Variants in CDKAL1 observed in about 807,000 individuals in gnomAD.
CDKAL1 encodes CDKAL1 threonylcarbamoyladenosine tRNA methylthiotransferase.
Under a neutral mutation model 68.2 loss-of-function variants are expected in CDKAL1, and 32 were observed. The ratio of observed to expected loss-of-function variants is 0.47; its 90% CI spans 0.35 to 0.63. The LOEUF is 0.63. Among genes scored for constraint, CDKAL1 ranks in the 30% least tolerant of loss-of-function variants. The pLI, the probability that CDKAL1 is intolerant of heterozygous loss-of-function variation, is 0.00. For synonymous variants in CDKAL1, 234 were observed against 244.3 expected, an observed-to-expected ratio of 0.96 and a Z score of 0.39; for missense variants, 606 against 696.7, an observed-to-expected ratio of 0.87 and a Z score of 1.47.
At chr6:20,750,502 G>A (rs962425466) in intron 6 of CDKAL1, among the ~76,000 whole-genome samples, 5 of 152,296 alleles carry the variant, frequency 3.3e-5, no homozygotes, top group African/African-American at 1.2e-4. Context: ...TTCACGTTCA[G>A]TTGAAGGGCA....
intron 13 of CDKAL1, among the ~76,000 whole-genome samples, chr6:21,127,746 T>G (rs1775090177): frequency 1.3e-5 from 2 of 152,028 alleles, no homozygotes; most frequent in Non-Finnish European, 2.9e-5. Context: ...TGAGACTCTA[T>G]CTCAGGAATA....
At chr6:20,611,914 C>T (rs1405406463) in intron 4 of CDKAL1, among the ~76,000 whole-genome samples, 1 of 152,174 alleles carries the variant, frequency 6.6e-6, no homozygotes, top group African/African-American at 2.4e-5. Context: ...CTTGGCACAT[C>T]CCCTTCCCAC....
chr6:20,776,539 A>C (rs1171990129), intron 7 of CDKAL1, among the ~76,000 whole-genome samples: 1 of 152,224 alleles, frequency 6.6e-6, no homozygotes, highest in East Asian at 1.9e-4. Flanking sequence ...TTCTGAAATG[A>C]CAGGCGATGA....
At chr6:21,148,595 T>G (rs1164810814) in intron 13 of CDKAL1, among the ~76,000 whole-genome samples, 1 of 152,188 alleles carries the variant, frequency 6.6e-6, no homozygotes, top group Non-Finnish European at 1.5e-5. Context: ...TATCCTATTT[T>G]TTTAATTACA....
At chr6:20,753,960 T>C (rs1774051667) in intron 6 of CDKAL1, among the ~76,000 whole-genome samples, 1 of 37,878 alleles carries the variant, frequency 2.6e-5, no homozygotes, top group Non-Finnish European at 6.9e-5. Context: ...TATCTGTATG[T>C]GTGTGTGTGT....
intron 4 of CDKAL1, among the ~76,000 whole-genome samples, chr6:20,569,304 T>G (rs1764604588): frequency 6.6e-6 from 1 of 152,230 alleles, no homozygotes; most frequent in South Asian, 2.1e-4. Context: ...AAGTATAAAT[T>G]TCATGCTTAC....
intron 4 of CDKAL1, among the ~76,000 whole-genome samples, chr6:20,561,446 GAAAAAAAA>G (rs55750789): frequency 2.0e-4 from 16 of 79,652 alleles, no homozygotes; most frequent in African/African-American, 6.4e-4. Context: ...TCTCAAAAAA[GAAAAAAAA>G]AAAAAAAAAA....
In CDKAL1 at chr6:21,031,532, G is replaced by A. The variant is rs148361244; in HGVS notation, c.1055+31160G>A. On this transcript the variant is annotated intron_variant, in intron 11 of 15. Coordinates refer to ENST00000274695, the MANE Select transcript of CDKAL1 (RefSeq NM_017774.3). The stretch of plus-strand genomic sequence containing the variant: ...TCTGCCTACCAGGGGCTGGGAGTTC[G>A]GGGACCATCTTAGAATTCTGCCTAC... Among the ~76,000 whole-genome samples the A allele has an allele frequency of 1.3e-3, 200 of 151,926 alleles. 1 individual carries two copies. The highest frequency in any genetic ancestry group is 3.6e-3 in the African/African-American group (148 of 41,452).
rs138630983 is a variant in CDKAL1, at chr6:20,817,527, A to T, written c.639-28548A>T. 2.8e-3 allele frequency among the ~76,000 whole-genome samples: 429 copies of T among 152,304 alleles called. 1 individual carries two copies. The highest frequency in any genetic ancestry group is 9.2e-3 in the African/African-American group (384 of 41,574). On this transcript the variant is annotated intron_variant, in intron 8 of 15. Transcript: ENST00000274695. ...TGAACATGAAAGCATAAAGACTATT[A>T]TTCAGTCAGTTTAGTAAATCATGTG...
chr6:20,540,515 G>A (rs1763349726), intron 2 of CDKAL1, among the ~76,000 whole-genome samples: 1 of 151,878 alleles, frequency 6.6e-6, no homozygotes, highest in African/African-American at 2.4e-5. Context: ...GAGTGCAGTG[G>A]TGCAATCTCA....
At chr6:20,683,279 C>A (rs183397442) in intron 5 of CDKAL1, among the ~76,000 whole-genome samples, 46 of 152,302 alleles carry the variant, frequency 3.0e-4, no homozygotes, top group African/African-American at 1.1e-3. Context: ...AAACCTGGGT[C>A]ATTCCTGCTC....
intron 4 of CDKAL1, among the ~76,000 whole-genome samples, chr6:20,643,091 T>C (rs1768265727): frequency 6.6e-6 from 1 of 152,208 alleles, no homozygotes; most frequent in Non-Finnish European, 1.5e-5. Flanking sequence ...TATCAGAGGT[T>C]ACGAGCACTC....
At chr6:20,811,785 T>TA (rs370931927) in intron 8 of CDKAL1, among the ~76,000 whole-genome samples, 12,317 of 103,454 alleles carry the variant, frequency 0.12, 708 homozygotes, top group African/African-American at 0.19. Context: ...TACCTAGTAG[T>TA]AAAAAAAAAA....
At chr6:20,759,971 T>C (rs1774393193) in intron 7 of CDKAL1, among the ~76,000 whole-genome samples, 1 of 152,162 alleles carries the variant, frequency 6.6e-6, no homozygotes, top group Non-Finnish European at 1.5e-5. Context: ...ATTTTAATGC[T>C]GCACTTTTCC....
At chr6:20,599,953 A>C (rs1425940946) in intron 4 of CDKAL1, among the ~76,000 whole-genome samples, 1 of 152,178 alleles carries the variant, frequency 6.6e-6, no homozygotes, top group Non-Finnish European at 1.5e-5. Context: ...CTGACAATTT[A>C]CCTTTTCATA....
At chr6:21,159,227 A>T (rs961417816) in intron 13 of CDKAL1, among the ~76,000 whole-genome samples, 1 of 152,034 alleles carries the variant, frequency 6.6e-6, no homozygotes, top group Non-Finnish European at 1.5e-5. Flanking sequence ...TCCAGGATGG[A>T]ATACAACTTA....
At chr6:21,128,521 T>G (rs1002488692) in intron 13 of CDKAL1, among the ~76,000 whole-genome samples, 2 of 152,250 alleles carry the variant, frequency 1.3e-5, no homozygotes, top group African/African-American at 2.4e-5. Context: ...AATTCTATTT[T>G]GCTAACACAC....
At chr6:20,680,259 G>T (rs369839741) in intron 5 of CDKAL1, among the ~76,000 whole-genome samples, 180 of 152,146 alleles carry the variant, frequency 1.2e-3, no homozygotes, top group African/African-American at 4.2e-3. Context: ...TAGAGACGGG[G>T]TTTTGCCATG....
rs759073576 is a variant in CDKAL1, at chr6:20,546,458, G to C, written c.108G>C (p.Pro36=). The part of the protein sequence containing the change: ...DRHFVRKDVV[P]KVRRRNTQKY... ...ATTTTGTAAGAAAGGATGTTGTCCC[G>C]AAGGTACGAAGGCGAAATACCCAAA... The change falls in exon 3 of 16, where the codon CCG becomes CCC. Residue 36 remains proline (P), a synonymous_variant. Coordinates refer to ENST00000274695, the MANE Select transcript of CDKAL1 (RefSeq NM_017774.3). The C allele has an allele frequency of 3.7e-6, 6 of 1,614,138 alleles. No homozygotes were observed. In the East Asian group the frequency reaches 1.3e-4, roughly 36 times the overall value.
Sources: allele counts gnomAD v4.1 joint callset (sites outside exome capture counted in the v4.1 genomes callset), GRCh38; gene constraint gnomAD v4.1.1; transcripts MANE v1.5; gene names NCBI Gene and HGNC (gene_info 2026-07-23, HGNC 2026-07-21).